The following FOXP2 variants were observed in gnomAD, a reference collection of about 807,000 sequenced individuals.
FOXP2 encodes forkhead box protein P2.
In FOXP2, 12 loss-of-function variants were observed where a neutral mutation model predicts 115.8. The observed-to-expected ratio is 0.10, with a 90% CI of 0.07 to 0.17. The LOEUF (loss-of-function observed/expected upper bound fraction) is 0.17, where lower values mean the gene tolerates loss of function less well. FOXP2 is among the 10% of genes least tolerant of loss of function. The probability of loss-of-function intolerance (pLI) is 1.00; values close to 1 mark genes in which losing one functional copy is unlikely to be tolerated. For synonymous variants in FOXP2, 328 were observed against 297.7 expected (o/e 1.10, Z -1.05); for missense variants, 629 against 843.5 (o/e 0.75, Z 3.15).
intron 2 of FOXP2, among the ~76,000 whole-genome samples, chr7:114,372,704 T>C (rs1435403549): frequency 1.3e-5 from 2 of 152,142 alleles, no homozygotes; most frequent in Admixed American, 1.3e-4. Context: ...TTCATTTCAC[T>C]GTTAGGGTTT....
chr7:114,291,721 C>G (rs182705843), intron 2 of FOXP2, among the ~76,000 whole-genome samples: 16 of 150,964 alleles, frequency 1.1e-4, no homozygotes, highest in Non-Finnish European at 2.4e-4. Context: ...TAAATTCCAC[C>G]TACAGTTCCT....
intron 3 of FOXP2, among the ~76,000 whole-genome samples, chr7:114,606,971 A>T (rs191179691): frequency 3.7e-4 from 56 of 152,288 alleles, no homozygotes; most frequent in African/African-American, 1.3e-3. Flanking sequence ...CCACTTTAGC[A>T]TTACTAGTGA....
intron 1 of FOXP2, among the ~76,000 whole-genome samples, chr7:114,284,811 G>A (rs1037820609): frequency 2.6e-5 from 4 of 152,148 alleles, no homozygotes; most frequent in African/African-American, 9.6e-5. Flanking sequence ...CAACCTAAAC[G>A]CTCATCAACA....
chr7:114,142,195 G>A (rs1792234414), intron 1 of FOXP2, among the ~76,000 whole-genome samples: 1 of 151,976 alleles, frequency 6.6e-6, no homozygotes. Context: ...GCCAGTTTTT[G>A]TGTTTTTAGT....
At chr7:114,342,254 A>G (rs1791235085) in intron 2 of FOXP2, among the ~76,000 whole-genome samples, 1 of 151,366 alleles carries the variant, frequency 6.6e-6, no homozygotes, top group African/African-American at 2.4e-5. Context: ...GTAAATTATT[A>G]TATAAGTAAT....
At chr7:114,375,388 G>C (rs900601742) in intron 2 of FOXP2, among the ~76,000 whole-genome samples, 5 of 152,148 alleles carry the variant, frequency 3.3e-5, no homozygotes, top group Non-Finnish European at 5.9e-5. Context: ...TGGAAACATG[G>C]TTAAGTTAAT....
At chr7:114,343,873 T>C (rs1166112059) in intron 2 of FOXP2, among the ~76,000 whole-genome samples, 2 of 151,790 alleles carry the variant, frequency 1.3e-5, no homozygotes, top group East Asian at 1.9e-4. Context: ...ATTCTATTTA[T>C]CCGCAAATAT....
chr7:114,450,164 A>T (rs1371160278), intron 2 of FOXP2, among the ~76,000 whole-genome samples: 2 of 152,100 alleles, frequency 1.3e-5, no homozygotes, highest in Non-Finnish European at 2.9e-5. Context: ...TTATGTTGAT[A>T]TGATTTCTGC....
chr7:114,628,500 A>G lies in FOXP2; in HGVS notation c.259-40A>G, dbSNP rs1187030141. Reference sequence around the variant, plus strand: ...GAAGTTGATTAACAGATATTTGGTTATGACCACGAATTTTCTTTCTCTTTC... The same window carrying G: ...GAAGTTGATTAACAGATATTTGGTTGTGACCACGAATTTTCTTTCTCTTTC... On this transcript the variant is annotated intron_variant, in intron 3 of 16. Coordinates refer to ENST00000350908, the MANE Select transcript of FOXP2 (RefSeq NM_014491.4). The G allele has an allele frequency of 3.1e-6, 5 of 1,612,968 alleles. No homozygotes were observed. The East Asian group carries it at 1.1e-4, about 36-fold the overall frequency.
intron 1 of FOXP2, among the ~76,000 whole-genome samples, chr7:114,171,103 A>G (rs958333752): frequency 1.3e-5 from 2 of 152,174 alleles, no homozygotes; most frequent in Admixed American, 6.5e-5. Context: ...CCATTTTGAA[A>G]ATCCTAGGGC....
At chr7:114,155,343 T>C (rs185239074) in intron 1 of FOXP2, among the ~76,000 whole-genome samples, 32 of 152,128 alleles carry the variant, frequency 2.1e-4, no homozygotes, top group Admixed American at 4.6e-4. Context: ...AAAACAGAGA[T>C]CTTAAGACTG....
chr7:114,121,801 G>A (rs575779318), intron 1 of FOXP2, among the ~76,000 whole-genome samples: 1 of 152,028 alleles, frequency 6.6e-6, no homozygotes, highest in Non-Finnish European at 1.5e-5. Flanking sequence ...AATAGAGCAG[G>A]GAATTTATTT....
At chr7:114,393,258 C>T (rs1792652582) in intron 2 of FOXP2, among the ~76,000 whole-genome samples, 1 of 152,088 alleles carries the variant, frequency 6.6e-6, no homozygotes, top group South Asian at 2.1e-4. Flanking sequence ...AACGACTCCT[C>T]ATCTCCCCTT....
intron 2 of FOXP2, among the ~76,000 whole-genome samples, chr7:114,324,262 A>G (rs537754264): frequency 4.5e-4 from 69 of 152,072 alleles, no homozygotes; most frequent in African/African-American, 1.3e-3. Context: ...TACAGATACC[A>G]TATTATTAGC....
intron 1 of FOXP2, among the ~76,000 whole-genome samples, chr7:114,164,911 A>G (rs1192704173): frequency 6.6e-6 from 1 of 152,146 alleles, no homozygotes; most frequent in Non-Finnish European, 1.5e-5. Flanking sequence ...AGCACAGATT[A>G]TAGTGGTTGA....
chr7:114,329,324 C>A (rs2129182630), intron 2 of FOXP2, among the ~76,000 whole-genome samples: 1 of 151,996 alleles, frequency 6.6e-6, no homozygotes, highest in Admixed American at 6.6e-5. Flanking sequence ...TCAAGACCAG[C>A]CTTGTCAACA....
intron 2 of FOXP2, among the ~76,000 whole-genome samples, chr7:114,427,397 T>TA (rs761002807): frequency 1.1e-3 from 154 of 140,578 alleles, no homozygotes; most frequent in South Asian, 1.6e-3. Context: ...CCTGATTTTG[T>TA]AAAAAAAAAA....
chr7:114,531,575 T>C (rs956047751), intron 2 of FOXP2, among the ~76,000 whole-genome samples: 44 of 151,876 alleles, frequency 2.9e-4, no homozygotes, highest in African/African-American at 9.9e-4. Flanking sequence ...TTTAAATCAT[T>C]CCTGATCTCC....
At chr7:114,348,252 T>C (rs769559239) in intron 2 of FOXP2, among the ~76,000 whole-genome samples, 3 of 152,040 alleles carry the variant, frequency 2.0e-5, no homozygotes, top group African/African-American at 4.8e-5. Flanking sequence ...ATTACAGAAA[T>C]GTAACTTTTT....
Sources: gnomAD v4.1 joint callset for allele counts (sites outside exome capture counted in the v4.1 genomes callset) on GRCh38, gnomAD v4.1.1 for gene constraint, MANE v1.5 for transcripts, NCBI Gene and HGNC (gene_info 2026-07-23, HGNC 2026-07-21) for gene names.